Variants in PCSK6 observed in about 807,000 individuals in gnomAD.
The protein encoded by PCSK6 is proprotein convertase subtilisin/kexin type 6.
In PCSK6, 85 loss-of-function variants were observed where a neutral mutation model predicts 123.3. The ratio of observed to expected loss-of-function variants is 0.69; its 90% CI spans 0.58 to 0.83. PCSK6 has a LOEUF of 0.83. Ranked by LOEUF, PCSK6 falls within the 40% of genes least tolerant of loss-of-function variation. The pLI, the probability that PCSK6 is intolerant of heterozygous loss-of-function variation, is 0.00. For missense variants in PCSK6, 1,191 were observed against 1,282.3 expected (o/e 0.93, Z 1.09); for synonymous variants, 508 against 516.0 (o/e 0.98, Z 0.21).
chr15:101,378,022 G>T (rs1259970218), intron 11 of PCSK6, among the ~76,000 whole-genome samples: 1 of 152,244 alleles, frequency 6.6e-6, no homozygotes, highest in African/African-American at 2.4e-5. Context: ...TTTCCCAGAA[G>T]CCTGGATTTT....
chr15:101,377,965 G>GT (rs1364887209), intron 11 of PCSK6, among the ~76,000 whole-genome samples: 3 of 152,226 alleles, frequency 2.0e-5, no homozygotes, highest in Non-Finnish European at 4.4e-5. Flanking sequence ...CCCTGTTGTT[G>GT]TGAGTGTCCC....
chr15:101,440,086 T>G (rs912362918), intron 2 of PCSK6, among the ~76,000 whole-genome samples: 2 of 152,228 alleles, frequency 1.3e-5, no homozygotes, highest in Non-Finnish European at 2.9e-5. Context: ...TTTCAGTGAT[T>G]GGTCGACGCT....
At chr15:101,429,946 G>GA in intron 5 of PCSK6, 41 bp downstream of exon 5, 2 of 1,492,980 alleles carry the variant, frequency 1.3e-6, no homozygotes, top group African/African-American at 1.4e-5. Context: ...ACGCTGCAGG[G>GA]AGGGGAAGAG....
intron 8 of PCSK6, among the ~76,000 whole-genome samples, chr15:101,389,961 C>G (rs1279328985): frequency 6.6e-6 from 1 of 152,132 alleles, no homozygotes; most frequent in South Asian, 2.1e-4. Context: ...GCCGAGAGTA[C>G]CCACGGCAAA....
chr15:101,342,693 G>C (rs2040643048), intron 13 of PCSK6, among the ~76,000 whole-genome samples: 1 of 152,192 alleles, frequency 6.6e-6, no homozygotes, highest in Admixed American at 6.5e-5. Flanking sequence ...TCTGAGGTTG[G>C]GAGTTGGAGA....
chr15:101,324,061 C>T (rs1160135072), intron 17 of PCSK6, among the ~76,000 whole-genome samples: 1 of 152,252 alleles, frequency 6.6e-6, no homozygotes, highest in Non-Finnish European at 1.5e-5. Context: ...CCCCCACCCT[C>T]CTGGGACAGC....
chr15:101,430,529 T>G (rs539264807), intron 4 of PCSK6, among the ~76,000 whole-genome samples: 12 of 152,368 alleles, frequency 7.9e-5, no homozygotes, highest in Admixed American at 6.5e-4. Context: ...TCCACGTGGG[T>G]CAGGATTTCC....
At chr15:101,430,985 C>T (rs1208408185) in intron 4 of PCSK6, among the ~76,000 whole-genome samples, 4 of 152,308 alleles carry the variant, frequency 2.6e-5, no homozygotes, top group East Asian at 3.9e-4. Context: ...GCCTAGAGCC[C>T]GTGTTTTCAC....
intron 12 of PCSK6, among the ~76,000 whole-genome samples, chr15:101,369,267 A>G (rs919253488): frequency 6.6e-6 from 1 of 152,208 alleles, no homozygotes; most frequent in Non-Finnish European, 1.5e-5. Flanking sequence ...TGAGTCAATT[A>G]CCCTGTCTCA....
chr15:101,409,453 C>T (rs1003700411), intron 6 of PCSK6, among the ~76,000 whole-genome samples: 8 of 152,032 alleles, frequency 5.3e-5, no homozygotes, highest in East Asian at 1.9e-4. Context: ...GGCGCGGTGG[C>T]GGGCGCCTGT....
chr15:101,322,176 G>A (rs557190948), intron 18 of PCSK6, among the ~76,000 whole-genome samples: 5 of 152,290 alleles, frequency 3.3e-5, no homozygotes, highest in Non-Finnish European at 5.9e-5. Context: ...TGGGTGAGCC[G>A]CTACAGCCCA....
At chr15:101,429,679 A>G (rs1179593940) in intron 5 of PCSK6, among the ~76,000 whole-genome samples, 2 of 152,228 alleles carry the variant, frequency 1.3e-5, no homozygotes, top group Non-Finnish European at 1.5e-5. Context: ...GGAGACGGTT[A>G]GACTTAAGGG....
chr15:101,376,236 G>A (rs1431032727), intron 11 of PCSK6, among the ~76,000 whole-genome samples: 2 of 152,096 alleles, frequency 1.3e-5, no homozygotes, highest in African/African-American at 4.8e-5. Context: ...AGGACTGTAG[G>A]TGCAAACCAC....
intron 2 of PCSK6, among the ~76,000 whole-genome samples, chr15:101,438,079 T>C (rs2056652709): frequency 1.3e-5 from 2 of 152,160 alleles, no homozygotes; most frequent in Admixed American, 1.3e-4. Flanking sequence ...AAACCAACCC[T>C]GCCAACGCCG....
intron 6 of PCSK6, among the ~76,000 whole-genome samples, chr15:101,408,150 C>T (rs1418520274): frequency 1.3e-5 from 2 of 152,220 alleles, no homozygotes; most frequent in African/African-American, 2.4e-5. Flanking sequence ...ATCTGCACCA[C>T]ACGCAAGTAC....
intron 4 of PCSK6, among the ~76,000 whole-genome samples, chr15:101,430,902 G>T (rs2056425731): frequency 1.3e-5 from 2 of 152,332 alleles, no homozygotes; most frequent in South Asian, 2.1e-4. Context: ...GAGGCACAGA[G>T]AAGTTAAGTA....
chr15:101,445,978 G>T, intron 1 of PCSK6, among the ~76,000 whole-genome samples: 1 of 152,246 alleles, frequency 6.6e-6, no homozygotes. Flanking sequence ...GGGCCGCCAT[G>T]ACTGTCCTTT....
At chr15:101,435,838 G>A (rs2056583548) in intron 2 of PCSK6, among the ~76,000 whole-genome samples, 1 of 152,188 alleles carries the variant, frequency 6.6e-6, no homozygotes, top group Non-Finnish European at 1.5e-5. Flanking sequence ...ACCCAGGAGG[G>A]GGCCCTGCCC....
Position 101,382,088 on chromosome 15 carries a change from T to A in PCSK6, c.1532+4A>T, listed in dbSNP as rs962714498. The A allele has an allele frequency of 4.4e-6, 7 of 1,594,468 alleles. No homozygotes were observed. The African/African-American group carries it at 9.4e-5, about 21-fold the overall frequency. On this transcript the variant is annotated splice_donor_region_variant and intron_variant, in intron 11 of 21. Coordinates refer to ENST00000611716, the MANE Select transcript of PCSK6 (RefSeq NM_002570.5). Reference sequence around the variant, plus strand: ...AAGTCACCGATGCCACAGCAGAGCCTTACCTGGGTCTCTTGTCCGAGGCGG... The same window carrying A: ...AAGTCACCGATGCCACAGCAGAGCCATACCTGGGTCTCTTGTCCGAGGCGG...
Sources: gnomAD v4.1 joint callset for allele counts (sites outside exome capture counted in the v4.1 genomes callset) on GRCh38, gnomAD v4.1.1 for gene constraint, MANE v1.5 for transcripts, NCBI Gene and HGNC (gene_info 2026-07-23, HGNC 2026-07-21) for gene names.